The following PDSS2 variants were observed in gnomAD, a reference collection of about 807,000 sequenced individuals.
PDSS2 encodes the protein all trans-polyprenyl-diphosphate synthase PDSS2.
In PDSS2, 31 loss-of-function variants were observed where a neutral mutation model predicts 44.5. The observed-to-expected ratio is 0.70, with a 90% CI of 0.52 to 0.94. PDSS2 has a LOEUF of 0.94. PDSS2 is among the 40% of genes least tolerant of loss of function. The probability of loss-of-function intolerance (pLI) is 0.00; values close to 1 mark genes in which losing one functional copy is unlikely to be tolerated. For missense variants in PDSS2, 452 were observed against 482.2 expected (o/e 0.94, Z 0.59); for synonymous variants, 157 against 180.3 (o/e 0.87, Z 1.03).
intron 6 of PDSS2, among the ~76,000 whole-genome samples, chr6:107,207,824 G>C (rs1582785726): frequency 6.6e-6 from 1 of 151,500 alleles, no homozygotes; most frequent in East Asian, 2.0e-4. Context: ...TGGCCAGGCT[G>C]GTCTCAAACT....
At chr6:107,237,674 G>A (rs1774270931) in intron 4 of PDSS2, among the ~76,000 whole-genome samples, 1 of 151,516 alleles carries the variant, frequency 6.6e-6, no homozygotes, top group Non-Finnish European at 1.5e-5. Flanking sequence ...GTCGAGGCGG[G>A]CAGGTCACCT....
At position 107,396,415 on chromosome 6, in the gene PDSS2, G is replaced by C. The variant is rs535082130; in HGVS notation, c.297-62083C>G. Among the ~76,000 whole-genome samples the C allele has an allele frequency of 6.6e-5, 10 of 152,230 alleles. No homozygotes were observed. The East Asian group carries it at 1.7e-3, about 26-fold the overall frequency. On this transcript the variant is annotated intron_variant, in intron 1 of 7. Transcript: ENST00000369037. ...AGACAATCATAGAGTTATCTCTTTT[G>C]TTTCCTTTCTCTCAGGAATCAACAG...
intron 4 of PDSS2, among the ~76,000 whole-genome samples, chr6:107,244,208 C>T (rs1172022852): frequency 1.3e-5 from 2 of 152,184 alleles, no homozygotes; most frequent in African/African-American, 4.8e-5. Context: ...GTTGTGTGAC[C>T]TTGGGAAAAT....
At position 107,173,715 on chromosome 6, in the gene PDSS2, A is replaced by C. The variant is rs536131212; in HGVS notation, c.1042-18938T>G. Among the ~76,000 whole-genome samples, 3 of 152,172 alleles carry C rather than the reference A, an allele frequency of 2.0e-5. No individual in the cohort carries two copies. In the South Asian group the frequency reaches 6.2e-4, roughly 32 times the overall value. ...TGAAGATGAAGAAGAAATGCATATT[A>C]AATTTTAATTTTCAGATGTCACACA... On this transcript the variant is annotated intron_variant, in intron 7 of 7. Transcript: ENST00000369037.
chr6:107,328,522 C>A (rs1231967847), intron 2 of PDSS2, among the ~76,000 whole-genome samples: 1 of 152,092 alleles, frequency 6.6e-6, no homozygotes, highest in East Asian at 1.9e-4. Context: ...ATGATCCACC[C>A]ACCTCAGCCT....
chr6:107,452,654 G>T (rs1418090048), intron 1 of PDSS2, among the ~76,000 whole-genome samples: 2 of 151,768 alleles, frequency 1.3e-5, no homozygotes, highest in African/African-American at 4.8e-5. Context: ...GTCTTTCACA[G>T]AGCTAAGTTT....
intron 3 of PDSS2, among the ~76,000 whole-genome samples, chr6:107,273,333 A>G (rs113933414): frequency 6.6e-6 from 1 of 152,108 alleles, no homozygotes; most frequent in Admixed American, 6.6e-5. Flanking sequence ...AAAAGGAAAA[A>G]AAAAACACTA....
chr6:107,325,563 A>AT (rs1166481294), intron 2 of PDSS2, among the ~76,000 whole-genome samples: 11 of 152,112 alleles, frequency 7.2e-5, no homozygotes, highest in African/African-American at 2.4e-4. Flanking sequence ...AACAAAAATA[A>AT]TTTTTTTTAT....
At chr6:107,233,812 C>T (rs1774133160) in intron 4 of PDSS2, among the ~76,000 whole-genome samples, 2 of 151,292 alleles carry the variant, frequency 1.3e-5, no homozygotes, top group African/African-American at 2.4e-5. Context: ...GACCCTGTCT[C>T]TGAATTAATA....
chr6:107,240,991 T>C (rs1012356486), intron 4 of PDSS2, among the ~76,000 whole-genome samples: 6 of 151,924 alleles, frequency 3.9e-5, no homozygotes, highest in Non-Finnish European at 8.8e-5. Context: ...TAAGTATGAG[T>C]AAGTAATAGC....
At chr6:107,389,545 A>T (rs1038430289) in intron 1 of PDSS2, among the ~76,000 whole-genome samples, 1 of 152,208 alleles carries the variant, frequency 6.6e-6, no homozygotes, top group East Asian at 1.9e-4. Context: ...TAGAAGCCAG[A>T]TTACTCACTG....
At chr6:107,189,757 A>T (rs907038966) in intron 7 of PDSS2, among the ~76,000 whole-genome samples, 1 of 152,168 alleles carries the variant, frequency 6.6e-6, no homozygotes, top group Non-Finnish European at 1.5e-5. Flanking sequence ...TTTGTGCACC[A>T]TATTTTTCTC....
intron 2 of PDSS2, among the ~76,000 whole-genome samples, chr6:107,283,445 G>A (rs943631226): frequency 6.6e-6 from 1 of 152,142 alleles, no homozygotes; most frequent in African/African-American, 2.4e-5. Context: ...AATTGTCTGG[G>A]CGCGGTGGCT....
chr6:107,270,739 T>C (rs748377032), intron 3 of PDSS2, among the ~76,000 whole-genome samples: 7 of 152,176 alleles, frequency 4.6e-5, no homozygotes, highest in Non-Finnish European at 8.8e-5. Context: ...ATTTTCTATA[T>C]TGAACTTTTA....
intron 3 of PDSS2, among the ~76,000 whole-genome samples, chr6:107,254,388 C>T (rs575561193): frequency 3.3e-5 from 5 of 152,028 alleles, no homozygotes; most frequent in South Asian, 2.1e-4. Flanking sequence ...AAAAAGGAGA[C>T]GTTTTCCAGC....
chr6:107,259,394 G>T (rs1009117084), intron 3 of PDSS2, among the ~76,000 whole-genome samples: 3 of 152,162 alleles, frequency 2.0e-5, no homozygotes, highest in Non-Finnish European at 4.4e-5. Flanking sequence ...CAGGCGTGGT[G>T]GCTCACATCA....
At chr6:107,378,513 T>A (rs1012933706) in intron 1 of PDSS2, among the ~76,000 whole-genome samples, 13 of 152,148 alleles carry the variant, frequency 8.5e-5, no homozygotes, top group African/African-American at 3.1e-4. Context: ...AGACTGGGCA[T>A]GGTGGCTCAC....
intron 7 of PDSS2, among the ~76,000 whole-genome samples, chr6:107,159,524 T>C (rs9372152): frequency 0.49 from 73,887 of 150,504 alleles, 19,091 homozygotes; most frequent in Non-Finnish European, 0.57. Context: ...TCAAGCGATT[T>C]TCCTGCCTCA....
At chr6:107,363,081 G>A (rs992534092) in intron 1 of PDSS2, among the ~76,000 whole-genome samples, 3 of 152,152 alleles carry the variant, frequency 2.0e-5, no homozygotes, top group South Asian at 4.1e-4. Context: ...AGTATCAGAA[G>A]ATGAGGAAAA....
Sources: allele counts gnomAD v4.1 joint callset (sites outside exome capture counted in the v4.1 genomes callset), GRCh38; gene constraint gnomAD v4.1.1; transcripts MANE v1.5; gene names NCBI Gene and HGNC (gene_info 2026-07-23, HGNC 2026-07-21).